The following TCEANC2 variants were observed in gnomAD, a reference collection of about 807,000 sequenced individuals.
TCEANC2 encodes the protein transcription elongation factor A N-terminal and central domain containing 2.
In TCEANC2, 20 loss-of-function variants were observed where a neutral mutation model predicts 22.8. That is an observed-to-expected ratio of 0.88 (90% CI 0.62 to 1.28). The LOEUF (loss-of-function observed/expected upper bound fraction) is 1.28. TCEANC2 is among the 50% of genes most tolerant of loss of function. TCEANC2 has a pLI of 0.00. For missense variants in TCEANC2, 251 were observed against 249.7 expected (o/e 1.01, Z -0.03); for synonymous variants, 84 against 95.5 (o/e 0.88, Z 0.70).
intron 3 of TCEANC2, among the ~76,000 whole-genome samples, chr1:54,077,765 A>G (rs1658169145): frequency 6.6e-6 from 1 of 152,102 alleles, no homozygotes; most frequent in African/African-American, 2.4e-5. Flanking sequence ...GAAAATGACA[A>G]CGTTGAACAA....
intron 3 of TCEANC2, among the ~76,000 whole-genome samples, chr1:54,070,114 A>G (rs1658028941): frequency 6.6e-6 from 1 of 152,202 alleles, no homozygotes; most frequent in South Asian, 2.1e-4. Flanking sequence ...AGAGTCTTAG[A>G]GTTGTACCCC....
rs183599951 is a variant in TCEANC2, at chr1:54,091,373, A to T, written c.438+2583A>T. Among the ~76,000 whole-genome samples the T allele has an allele frequency of 5.1e-4, 78 of 152,334 alleles. 1 individual carries two copies. Among genetic ancestry groups the T allele is most frequent in the Admixed American group, 3.3e-4 (5 of 15,302 alleles). ...CCAATGTTGAGTGCGTTCAAATCAG[A>T]CATCAGATCTTCGTAAATGTACTTA... On this transcript the variant is annotated intron_variant, in intron 4 of 4. Transcript: ENST00000234827.
intron 3 of TCEANC2, among the ~76,000 whole-genome samples, chr1:54,079,166 G>T (rs2100372270): frequency 6.6e-6 from 1 of 152,252 alleles, no homozygotes; most frequent in East Asian, 1.9e-4. Flanking sequence ...AATCATATCT[G>T]ATTTCAGAGA....
In TCEANC2 at chr1:54,054,528, A is replaced by T. The variant is rs1189177384; in HGVS notation, c.102+4A>T. The T allele has an allele frequency of 6.2e-7, 1 of 1,611,324 alleles. No homozygotes were observed. The highest frequency in any genetic ancestry group is 1.7e-5 in the Admixed American group (1 of 59,484). On this transcript the variant is annotated splice_donor_region_variant and intron_variant, in intron 2 of 4. Coordinates refer to ENST00000234827, the MANE Select transcript of TCEANC2 (RefSeq NM_153035.3). ...GGCCACGATTGAATCTCTGAAGGTGAGAGGGGATCTGGGGCTAGAGGAAAT... is the reference window on the plus strand; with the variant it reads ...GGCCACGATTGAATCTCTGAAGGTGTGAGGGGATCTGGGGCTAGAGGAAAT...
chr1:54,102,179 C>T lies in TCEANC2; in HGVS notation c.*5706C>T, dbSNP rs755914415. 6.6e-6 allele frequency: 1 copy of T among 152,166 alleles called. No individual in the cohort carries two copies. Among genetic ancestry groups the T allele is most frequent in the Non-Finnish European group, 1.5e-5 (1 of 68,066 alleles). The allele number at this position is 152,166 out of a possible 1,614,324, so 9.4% of individuals were successfully genotyped here. On this transcript the variant is annotated 3_prime_UTR_variant, in exon 5 of 5. Transcript: ENST00000234827. ...CAGAAAGTTGTGTTTTGATTGGGGC[C>T]CAGAGCAGGAAAGGGCTCAGCAGAA... is the stretch of plus-strand genomic sequence containing the variant.
chr1:54,082,285 C>T (rs759140039), intron 3 of TCEANC2, among the ~76,000 whole-genome samples: 7 of 152,190 alleles, frequency 4.6e-5, no homozygotes, highest in Non-Finnish European at 8.8e-5. Flanking sequence ...TTTTCATTTT[C>T]TCAGCACCTT....
At position 54,077,701 on chromosome 1, in the gene TCEANC2, T is replaced by G. The variant is rs565236046; in HGVS notation, c.244+8804T>G. Among the ~76,000 whole-genome samples the G allele has an allele frequency of 1.4e-4, 21 of 152,286 alleles. No individual in the cohort carries two copies. The South Asian group carries it at 4.1e-3, about 30-fold the overall frequency. ...AGTTACATTTTATTTACCACTGTATTTCAAGCATTAGTGGCATACAGCAGG... is the reference window on the plus strand; with the variant it reads ...AGTTACATTTTATTTACCACTGTATGTCAAGCATTAGTGGCATACAGCAGG... On this transcript the variant is annotated intron_variant, in intron 3 of 4. Coordinates refer to ENST00000234827, the MANE Select transcript of TCEANC2 (RefSeq NM_153035.3).
In TCEANC2 at chr1:54,054,131, G is replaced by A. The variant is rs550946107; in HGVS notation, c.-42-250G>A. 65 of 736,282 alleles carry A rather than the reference G, an allele frequency of 8.8e-5. No homozygotes were observed. In the Admixed American group the frequency reaches 1.4e-3, roughly 16 times the overall value. The allele number at this position is 736,282 out of a possible 1,614,324, so 45.6% of individuals were successfully genotyped here. A position where few individuals can be genotyped will look rare whatever the true frequency, so the allele number is the denominator to read the frequency against. On this transcript the variant is annotated intron_variant, in intron 1 of 4. Transcript: ENST00000234827. The stretch of plus-strand genomic sequence containing the variant: ...TATTGGGCCAATTCCCCCAATGTTG[G>A]AATCCTCGCTAGAGCGTGCACTTCT...
chr1:54,058,409 GC>G (rs904704903), intron 2 of TCEANC2, among the ~76,000 whole-genome samples: 1 of 152,104 alleles, frequency 6.6e-6, no homozygotes, highest in African/African-American at 2.4e-5. Context: ...ACATGCCTGT[GC>G]CCCGCTATAC....
intron 3 of TCEANC2, among the ~76,000 whole-genome samples, chr1:54,069,886 G>A (rs976210541): frequency 2.6e-5 from 4 of 152,180 alleles, no homozygotes; most frequent in Admixed American, 6.5e-5. Flanking sequence ...TGAATAATAC[G>A]TAAGGGAGGG....
At position 54,096,290 on chromosome 1, in the gene TCEANC2, T is replaced by A. The variant is rs1444544768; in HGVS notation, c.444T>A (p.Asp148Glu). Residue 148 changes from aspartate to glutamate, a missense_variant, in exon 5 of 5, where the codon GAT becomes GAA. Physicochemically the swap from Asp to Glu is conservative, Grantham distance 45. Transcript: ENST00000234827. The surrounding 1 kb of genome is among the most constrained non-coding windows in gnomAD (Gnocchi z 4.9). ...ATAATTTTGCTGTTTTTTAGATGGA[T>A]CACCTACTGGTTGAAAATATTGAAC... ...LLSEALELKMDHLLVENIERE... is the reference protein window; with the variant it reads ...LLSEALELKMEHLLVENIERE... The A allele has an allele frequency of 1.3e-6, 2 of 1,592,436 alleles. No individual in the cohort carries two copies. The highest frequency in any genetic ancestry group is 1.7e-6 in the Non-Finnish European group (2 of 1,162,230).
At chr1:54,086,452 A>C (rs1658341941) in intron 3 of TCEANC2, among the ~76,000 whole-genome samples, 1 of 152,370 alleles carries the variant, frequency 6.6e-6, no homozygotes, top group Non-Finnish European at 1.5e-5. Context: ...ATGAGTCTTA[A>C]AGGCCGAATG....
rs1658704562 is a variant in TCEANC2, at chr1:54,104,075, C to G, written c.*7602C>G. ...ACAGCTGGGGCACCAGCTCAGAAAC[C>G]CTGAGAGAAGAGCTGCCATCCTCCA... is the stretch of plus-strand genomic sequence containing the variant. On this transcript the variant is annotated 3_prime_UTR_variant, in exon 5 of 5. Transcript: ENST00000234827. The G allele has an allele frequency of 6.6e-6, 1 of 152,186 alleles. No individual in the cohort carries two copies. The highest frequency in any genetic ancestry group is 2.1e-4 in the South Asian group (1 of 4,822). The allele number at this position is 152,186 out of a possible 1,614,324, so 9.4% of individuals were successfully genotyped here.
chr1:54,106,725 G>GA (rs542633771), downstream of TCEANC2, among the ~76,000 whole-genome samples: 59 of 150,698 alleles, frequency 3.9e-4, no homozygotes, highest in African/African-American at 1.3e-3. Context: ...TTATGTAAGG[G>GA]AAAAAAACTA....
intron 3 of TCEANC2, among the ~76,000 whole-genome samples, chr1:54,077,347 G>A (rs774355472): frequency 1.3e-5 from 2 of 151,998 alleles, no homozygotes; most frequent in African/African-American, 2.4e-5. Context: ...TTGGCTACTC[G>A]CAACTCCCAT....
At chr1:54,075,885 G>A (rs563664873) in intron 3 of TCEANC2, among the ~76,000 whole-genome samples, 4 of 151,966 alleles carry the variant, frequency 2.6e-5, no homozygotes, top group African/African-American at 7.2e-5. Context: ...GTGGTTGTGC[G>A]TGCCTGTAGT....
intron 2 of TCEANC2, among the ~76,000 whole-genome samples, chr1:54,067,137 CAG>C (rs767517621): frequency 4.2e-4 from 64 of 152,156 alleles, no homozygotes; most frequent in Non-Finnish European, 7.6e-4. Flanking sequence ...AGTCTAAAGA[CAG>C]AGAGTGGCTG....
At chr1:54,055,143 T>C (rs1463357794) in intron 2 of TCEANC2, among the ~76,000 whole-genome samples, 1 of 152,108 alleles carries the variant, frequency 6.6e-6, no homozygotes, top group Non-Finnish European at 1.5e-5. Flanking sequence ...TTTTTGTTTT[T>C]AGTAGAGATG....
chr1:54,069,425 T>C (rs1160038565), intron 3 of TCEANC2, among the ~76,000 whole-genome samples: 1 of 152,042 alleles, frequency 6.6e-6, no homozygotes, highest in Non-Finnish European at 1.5e-5. Flanking sequence ...CAGGACAACA[T>C]GGCAAAACCC....
Sources: allele counts gnomAD v4.1 joint callset (sites outside exome capture counted in the v4.1 genomes callset), GRCh38; gene constraint gnomAD v4.1.1; non-coding constraint Gnocchi (gnomAD v3.1); transcripts MANE v1.5; gene names NCBI Gene and HGNC (gene_info 2026-07-23, HGNC 2026-07-21).